SPATS2L: variants seen among roughly 807,000 people sequenced by gnomAD.
SPATS2L encodes SPATS2-like protein.
A neutral mutation model predicts 59.6 loss-of-function variants in SPATS2L; 30 were observed. That is an observed-to-expected ratio of 0.50 (90% CI 0.38 to 0.68). The LOEUF is 0.68. Ranked by LOEUF, SPATS2L falls within the 30% of genes least tolerant of loss-of-function variation. SPATS2L has a pLI of 0.00. For synonymous variants in SPATS2L, 252 were observed against 263.5 expected (o/e 0.96, Z 0.42); for missense variants, 615 against 700.0 (o/e 0.88, Z 1.37).
Position 200,461,621 on chromosome 2 carries a change from T to G in SPATS2L, c.847+1794T>G, listed in dbSNP as rs537292578. 5.9e-5 allele frequency among the ~76,000 whole-genome samples: 9 copies of G among 152,352 alleles called. No homozygotes were observed. In the South Asian group the frequency reaches 1.9e-3, roughly 32 times the overall value. ...TTACAATCCTTGTCTCCTGGGCATT[T>G]TAAATTCCTCATCTTTACCCAAAGA... On this transcript the variant is annotated intron_variant, in intron 9 of 12. Transcript: ENST00000409140.
intron 2 of SPATS2L, among the ~76,000 whole-genome samples, chr2:200,349,363 T>C (rs1007459944): frequency 2.2e-4 from 33 of 152,240 alleles, no homozygotes; most frequent in Non-Finnish European, 1.9e-4. Context: ...AGGCCGGGCA[T>C]GGTGGCTCAC....
rs146690618 is a variant in SPATS2L, at chr2:200,450,633, C to G, written c.789-9136C>G. ...CACGAGGAGCATCAGGGCCCCATTT[C>G]CAGATATTCTGATTCTGTGGATGTT... On this transcript the variant is annotated intron_variant, in intron 8 of 12. Coordinates refer to ENST00000409140, the MANE Select transcript of SPATS2L (RefSeq NM_001100423.2). 2.1e-4 allele frequency among the ~76,000 whole-genome samples: 32 copies of G among 152,284 alleles called. No individual in the cohort carries two copies. The East Asian group carries it at 5.8e-3, about 28-fold the overall frequency.
chr2:200,315,408 A>T (rs1464384989), intron 1 of SPATS2L, among the ~76,000 whole-genome samples: 1 of 152,162 alleles, frequency 6.6e-6, no homozygotes, highest in African/African-American at 2.4e-5. Context: ...TGAGGTAGAC[A>T]GGAGGAACAA....
chr2:200,412,003 G>C (rs552015070), intron 3 of SPATS2L, among the ~76,000 whole-genome samples: 1 of 152,284 alleles, frequency 6.6e-6, no homozygotes, highest in Non-Finnish European at 1.5e-5. Flanking sequence ...AACACATCTT[G>C]TATGCATCTG....
chr2:200,328,565 G>A (rs1465993752), intron 1 of SPATS2L, among the ~76,000 whole-genome samples: 3 of 152,160 alleles, frequency 2.0e-5, no homozygotes, highest in Non-Finnish European at 2.9e-5. Flanking sequence ...AGCATCTCGT[G>A]TCCTGAGGCC....
At chr2:200,455,083 C>G (rs2085740981) in intron 8 of SPATS2L, among the ~76,000 whole-genome samples, 2 of 152,332 alleles carry the variant, frequency 1.3e-5, no homozygotes, top group South Asian at 4.1e-4. Flanking sequence ...TGATTAAATT[C>G]TGTCAGTGAC....
chr2:200,465,712 C>A (rs913326872), intron 9 of SPATS2L, among the ~76,000 whole-genome samples: 1 of 152,172 alleles, frequency 6.6e-6, no homozygotes, highest in Non-Finnish European at 1.5e-5. Context: ...ATTTTATTAA[C>A]ATCTCAACAT....
chr2:200,440,922 G>A, intron 8 of SPATS2L, 138 bp downstream of exon 8: 1 of 775,140 alleles, frequency 1.3e-6, no homozygotes. Flanking sequence ...GTTAAGCCCT[G>A]CAGGCAGTAG....
chr2:200,469,143 T>A (rs1301511295), intron 10 of SPATS2L, among the ~76,000 whole-genome samples: 1 of 152,224 alleles, frequency 6.6e-6, no homozygotes, highest in East Asian at 1.9e-4. Flanking sequence ...ATTTGACCAG[T>A]GCCTCGTAAG....
rs1364064238 is a variant in SPATS2L, at chr2:200,365,073, G to A, written c.-22-24150G>A. 2.6e-5 allele frequency among the ~76,000 whole-genome samples: 4 copies of A among 152,224 alleles called. No homozygotes were observed. In the South Asian group the frequency reaches 6.2e-4, roughly 24 times the overall value. On this transcript the variant is annotated intron_variant, in intron 2 of 12. Coordinates refer to ENST00000409140, the MANE Select transcript of SPATS2L (RefSeq NM_001100423.2). ...CCTGGTGTAAGTGAATAAAGTGAAAGCCACAGGTTTTCCTCTGTCTTTGCT... is the reference window on the plus strand; with the variant it reads ...CCTGGTGTAAGTGAATAAAGTGAAAACCACAGGTTTTCCTCTGTCTTTGCT...
At chr2:200,421,219 C>A (rs1466917555) in intron 6 of SPATS2L, among the ~76,000 whole-genome samples, 11 of 152,038 alleles carry the variant, frequency 7.2e-5, no homozygotes, top group Admixed American at 4.6e-4. Context: ...GGTGCAGTAT[C>A]CGACTGAGTG....
At chr2:200,449,986 T>C (rs1478966694) in intron 8 of SPATS2L, among the ~76,000 whole-genome samples, 1 of 152,192 alleles carries the variant, frequency 6.6e-6, no homozygotes, top group Non-Finnish European at 1.5e-5. Context: ...TCTTGATTCT[T>C]ACCAGGCCAT....
At chr2:200,400,931 A>G (rs930247236) in intron 3 of SPATS2L, among the ~76,000 whole-genome samples, 2 of 152,224 alleles carry the variant, frequency 1.3e-5, no homozygotes, top group African/African-American at 4.8e-5. Context: ...TGTATTTTTC[A>G]AAGAGACAAC....
At chr2:200,431,831 T>C (rs926526123) in intron 6 of SPATS2L, among the ~76,000 whole-genome samples, 3 of 152,246 alleles carry the variant, frequency 2.0e-5, no homozygotes, top group Non-Finnish European at 4.4e-5. Flanking sequence ...GGGTTTGTTT[T>C]CTTTGGCACT....
At chr2:200,423,644 A>G (rs960663187) in intron 6 of SPATS2L, among the ~76,000 whole-genome samples, 2 of 152,230 alleles carry the variant, frequency 1.3e-5, no homozygotes, top group East Asian at 1.9e-4. Context: ...AAAAGTCACA[A>G]TAACAAAGCC....
intron 2 of SPATS2L, 51 bp downstream of exon 2, chr2:200,329,531 C>T (rs1406489449): frequency 1.1e-5 from 17 of 1,483,002 alleles, no homozygotes; most frequent in Non-Finnish European, 1.5e-5. Context: ...GCTGCCATGG[C>T]CAGCTGTCCC....
At chr2:200,451,779 A>T (rs2085463319) in intron 8 of SPATS2L, among the ~76,000 whole-genome samples, 1 of 151,150 alleles carries the variant, frequency 6.6e-6, no homozygotes, top group African/African-American at 2.4e-5. Flanking sequence ...TTCAGCAACC[A>T]TGATGGCATC....
chr2:200,378,782 A>G (rs1472715758), intron 2 of SPATS2L, among the ~76,000 whole-genome samples: 28 of 152,162 alleles, frequency 1.8e-4, no homozygotes, highest in Admixed American at 1.8e-3. Flanking sequence ...AGTTAGCTAT[A>G]AACACAGAGC....
At chr2:200,425,216 C>T (rs1259756140) in intron 6 of SPATS2L, among the ~76,000 whole-genome samples, 1 of 143,284 alleles carries the variant, frequency 7.0e-6, no homozygotes, top group Non-Finnish European at 1.5e-5. Flanking sequence ...TTGTGGTAGG[C>T]GGTTCCCCAC....
Sources: allele counts gnomAD v4.1 joint callset (sites outside exome capture counted in the v4.1 genomes callset), GRCh38; gene constraint gnomAD v4.1.1; transcripts MANE v1.5; gene names NCBI Gene and HGNC (gene_info 2026-07-23, HGNC 2026-07-21).